CDH12: variants seen among roughly 807,000 people sequenced by gnomAD.
The protein encoded by CDH12 is cadherin 12.
Under a neutral mutation model 74.1 loss-of-function variants are expected in CDH12, and 41 were observed. The observed-to-expected ratio is 0.55, with a 90% confidence interval of 0.43 to 0.72. The LOEUF (loss-of-function observed/expected upper bound fraction) is 0.72, where lower values mean the gene tolerates loss of function less well. Ranked by LOEUF, CDH12 falls within the 30% of genes least tolerant of loss-of-function variation. CDH12 has a pLI of 0.00. For synonymous variants in CDH12, 399 were observed against 355.0 expected, an observed-to-expected ratio of 1.12 and a Z score of -1.39; for missense variants, 945 against 977.2, an observed-to-expected ratio of 0.97 and a Z score of 0.44.
chr5:22,493,825 T>A (rs985024339), intron 2 of CDH12, among the ~76,000 whole-genome samples: 1 of 152,108 alleles, frequency 6.6e-6, no homozygotes, highest in East Asian at 1.9e-4. Context: ...CCATGGGACC[T>A]GGAAACAAGC....
intron 1 of CDH12, among the ~76,000 whole-genome samples, chr5:22,718,403 G>A (rs1353127386): frequency 6.6e-6 from 1 of 152,204 alleles, no homozygotes; most frequent in Non-Finnish European, 1.5e-5. Flanking sequence ...TACTGGGAAT[G>A]AAAGGGAAAT....
At chr5:22,372,906 G>A (rs1741359658) in intron 3 of CDH12, among the ~76,000 whole-genome samples, 1 of 152,126 alleles carries the variant, frequency 6.6e-6, no homozygotes, top group South Asian at 2.1e-4. Flanking sequence ...ATGGGCTGCT[G>A]TGGGATGGAG....
At chr5:21,931,258 A>G (rs1042385391) in intron 6 of CDH12, among the ~76,000 whole-genome samples, 1 of 152,164 alleles carries the variant, frequency 6.6e-6, no homozygotes, top group African/African-American at 2.4e-5. Context: ...AGGAAAAAAA[A>G]GCTAAGAAGA....
At chr5:22,428,434 C>T (rs1393927991) in intron 2 of CDH12, among the ~76,000 whole-genome samples, 2 of 150,724 alleles carry the variant, frequency 1.3e-5, no homozygotes, top group Non-Finnish European at 1.5e-5. Flanking sequence ...GAGGAATACA[C>T]ATATATATAT....
At chr5:22,674,653 C>T (rs1229715594) in intron 1 of CDH12, among the ~76,000 whole-genome samples, 1 of 152,080 alleles carries the variant, frequency 6.6e-6, no homozygotes, top group Non-Finnish European at 1.5e-5. Context: ...TTGGAACTCC[C>T]TAGAGACTTG....
chr5:22,446,569 C>T (rs1744823955), intron 2 of CDH12, among the ~76,000 whole-genome samples: 2 of 152,036 alleles, frequency 1.3e-5, no homozygotes, highest in Admixed American at 1.3e-4. Context: ...TTTTCTGACA[C>T]AGTCAAGATC....
intron 8 of CDH12, among the ~76,000 whole-genome samples, chr5:21,830,302 A>AACG (rs1748942367): frequency 6.7e-6 from 1 of 148,768 alleles, no homozygotes; most frequent in Non-Finnish European, 1.5e-5. Context: ...CCACTTGTTC[A>AACG]TCTCCACTCA....
At chr5:22,124,767 G>A (rs1745747476) in intron 4 of CDH12, among the ~76,000 whole-genome samples, 1 of 152,106 alleles carries the variant, frequency 6.6e-6, no homozygotes, top group Non-Finnish European at 1.5e-5. Context: ...ATGTATGGAG[G>A]CATTTTTTAT....
At chr5:22,176,122 C>G (rs1749324040) in intron 4 of CDH12, among the ~76,000 whole-genome samples, 5 of 152,078 alleles carry the variant, frequency 3.3e-5, no homozygotes, top group Admixed American at 3.3e-4. Flanking sequence ...TATCTTCAAA[C>G]AAACTCTATC....
Position 21,843,207 on chromosome 5 carries a change from T to C in CDH12, c.647-879A>G, listed in dbSNP as rs142927860. ...TTAGGGAGAGATTGGACAGCATTTG[T>C]TTTAAACACAGCTGGCTTTAATAGT... is the stretch of plus-strand genomic sequence containing the variant. On this transcript the variant is annotated intron_variant, in intron 7 of 14. Coordinates refer to ENST00000382254, the MANE Select transcript of CDH12 (RefSeq NM_004061.5). Among the ~76,000 whole-genome samples, 1,020 of 152,290 alleles carry C rather than the reference T, an allele frequency of 6.7e-3. 10 individuals carry two copies. The highest frequency in any genetic ancestry group is 0.021 in the African/African-American group (891 of 41,566).
chr5:22,289,951 C>G (rs1356264711), intron 3 of CDH12, among the ~76,000 whole-genome samples: 2 of 152,040 alleles, frequency 1.3e-5, no homozygotes, highest in African/African-American at 4.8e-5. Context: ...AGTGTTAGGC[C>G]AGCTTCAGGG....
intron 4 of CDH12, among the ~76,000 whole-genome samples, chr5:22,104,039 GAGGCTGCACTTT>G (rs1744295554): frequency 6.6e-6 from 1 of 152,202 alleles, no homozygotes; most frequent in Non-Finnish European, 1.5e-5. Context: ...AGTCTCTGGT[GAGGCTGCACTTT>G]AGGTGAACTC....
At chr5:22,737,065 T>C (rs943228462) in intron 1 of CDH12, among the ~76,000 whole-genome samples, 4 of 151,960 alleles carry the variant, frequency 2.6e-5, no homozygotes, top group Admixed American at 1.3e-4. Context: ...CATCCCATAG[T>C]AATATTTTAA....
intron 1 of CDH12, among the ~76,000 whole-genome samples, chr5:22,563,005 AAT>A (rs200754494): frequency 1.0e-3 from 147 of 147,290 alleles, no homozygotes; most frequent in African/African-American, 3.4e-3. Flanking sequence ...TATATATGCA[AAT>A]ATATATTTCT....
intron 3 of CDH12, among the ~76,000 whole-genome samples, chr5:22,330,519 G>A (rs753641432): frequency 1.3e-5 from 2 of 152,010 alleles, no homozygotes; most frequent in Non-Finnish European, 2.9e-5. Context: ...TTGGGAGGTC[G>A]AGGTGAGTGG....
chr5:22,724,690 G>A (rs1026712200), intron 1 of CDH12, among the ~76,000 whole-genome samples: 2 of 151,708 alleles, frequency 1.3e-5, no homozygotes, highest in African/African-American at 2.4e-5. Context: ...GCTGCTCTAA[G>A]CATGTGTGTG....
intron 3 of CDH12, among the ~76,000 whole-genome samples, chr5:22,397,871 C>T (rs975531448): frequency 6.6e-6 from 1 of 151,960 alleles, no homozygotes; most frequent in Admixed American, 6.6e-5. Flanking sequence ...AGGACATATG[C>T]AGGGGGAAGG....
chr5:22,593,287 A>G (rs2126802358), intron 1 of CDH12, among the ~76,000 whole-genome samples: 1 of 152,048 alleles, frequency 6.6e-6, no homozygotes. Context: ...TATTTGGCCT[A>G]ATTTTTCTCC....
chr5:22,633,632 A>C (rs1738691137), intron 1 of CDH12, among the ~76,000 whole-genome samples: 1 of 152,146 alleles, frequency 6.6e-6, no homozygotes. Context: ...GGAATGTTAA[A>C]CTAATGGCCA....
Sources: allele counts gnomAD v4.1 joint callset (sites outside exome capture counted in the v4.1 genomes callset), GRCh38; gene constraint gnomAD v4.1.1; transcripts MANE v1.5; gene names NCBI Gene and HGNC (gene_info 2026-07-23, HGNC 2026-07-21).